RUNX2: variants seen among roughly 807,000 people sequenced by gnomAD.
RUNX2 encodes the protein RUNX family transcription factor 2.
RUNX2 carries 10 observed loss-of-function variants against 51.7 expected under a neutral mutation model. That is an observed-to-expected ratio of 0.19 (90% CI 0.12 to 0.33). The LOEUF is 0.33. Among genes scored for constraint, RUNX2 ranks in the 10% least tolerant of loss-of-function variants. The pLI, the probability that RUNX2 is intolerant of heterozygous loss-of-function variation, is 1.00. For synonymous variants in RUNX2, 276 were observed against 273.6 expected (o/e 1.01, Z -0.09); for missense variants, 562 against 691.3 (o/e 0.81, Z 2.10).
intron 2 of RUNX2, among the ~76,000 whole-genome samples, chr6:45,410,463 AG>A (rs1277743004): frequency 6.6e-6 from 1 of 152,248 alleles, no homozygotes; most frequent in East Asian, 1.9e-4. Context: ...TTTCTACCTA[AG>A]GGGATATATT....
chr6:45,419,158 T>C (rs1195613539), intron 2 of RUNX2, among the ~76,000 whole-genome samples: 1 of 152,192 alleles, frequency 6.6e-6, no homozygotes, highest in African/African-American at 2.4e-5. Context: ...TGGTCCATAT[T>C]TGAAATATTA....
chr6:45,518,782 A>T (rs1801411000), intron 7 of RUNX2, among the ~76,000 whole-genome samples: 1 of 152,192 alleles, frequency 6.6e-6, no homozygotes, highest in Non-Finnish European at 1.5e-5. Flanking sequence ...TATATATTTT[A>T]TTGAGGATTT....
Position 45,429,037 on chromosome 6 carries a change from C to A in RUNX2, c.424-2826C>A, listed in dbSNP as rs73441939. 2.2e-3 allele frequency among the ~76,000 whole-genome samples: 331 copies of A among 152,216 alleles called. 2 individuals are homozygous for A. Among genetic ancestry groups the A allele is most frequent in the African/African-American group, 7.4e-3 (307 of 41,528 alleles). ...AGATTTGGAACAGAACACTGTGTTACCCTCCTCATCTTACAAAAAGCACAT... is the reference window on the plus strand; with the variant it reads ...AGATTTGGAACAGAACACTGTGTTAACCTCCTCATCTTACAAAAAGCACAT... On this transcript the variant is annotated intron_variant, in intron 3 of 8. Transcript: ENST00000647337.
At chr6:45,375,378 G>C (rs1431092379) in intron 2 of RUNX2, among the ~76,000 whole-genome samples, 2 of 152,120 alleles carry the variant, frequency 1.3e-5, no homozygotes, top group Non-Finnish European at 2.9e-5. Context: ...GGAACAATCA[G>C]GCTTTATACT....
chr6:45,400,750 G>C, intron 2 of RUNX2, among the ~76,000 whole-genome samples: 1 of 152,108 alleles, frequency 6.6e-6, no homozygotes, highest in Middle Eastern at 3.2e-3. Context: ...TCTTCACAAA[G>C]ACTCTCTGTG....
chr6:45,405,158 G>A (rs1797805361), intron 2 of RUNX2, among the ~76,000 whole-genome samples: 1 of 152,176 alleles, frequency 6.6e-6, no homozygotes, highest in Non-Finnish European at 1.5e-5. Context: ...GCCCATAGAG[G>A]ACACTGCAAT....
At chr6:45,529,141 C>T in intron 7 of RUNX2, among the ~76,000 whole-genome samples, 1 of 152,300 alleles carries the variant, frequency 6.6e-6, no homozygotes, top group East Asian at 1.9e-4. Flanking sequence ...CAGATATGAA[C>T]ACTTTTTCTT....
chr6:45,392,425 G>C (rs1460103722), intron 2 of RUNX2, among the ~76,000 whole-genome samples: 1 of 152,088 alleles, frequency 6.6e-6, no homozygotes, highest in Non-Finnish European at 1.5e-5. Flanking sequence ...CAGGAGGAAT[G>C]CATGAGTCCA....
intron 6 of RUNX2, among the ~76,000 whole-genome samples, chr6:45,501,776 A>C (rs1001532121): frequency 6.6e-6 from 1 of 152,126 alleles, no homozygotes; most frequent in African/African-American, 2.4e-5. Flanking sequence ...TCTGATAGTC[A>C]CTGTGGGATG....
At chr6:45,360,600 T>C (rs988807686) in intron 2 of RUNX2, among the ~76,000 whole-genome samples, 3 of 152,118 alleles carry the variant, frequency 2.0e-5, no homozygotes, top group Admixed American at 6.5e-5. Context: ...TTCATAATAC[T>C]TAAAAAATAG....
At chr6:45,491,629 T>TG (rs1563109655) in intron 5 of RUNX2, among the ~76,000 whole-genome samples, 1 of 148,118 alleles carries the variant, frequency 6.8e-6, no homozygotes, top group Non-Finnish European at 1.5e-5. Flanking sequence ...TTTGTTTTTT[T>TG]TTTTTTTTTT....
intron 5 of RUNX2, among the ~76,000 whole-genome samples, chr6:45,438,616 T>C (rs925909106): frequency 6.6e-6 from 1 of 152,228 alleles, no homozygotes; most frequent in African/African-American, 2.4e-5. Context: ...TTTTAACAGA[T>C]AGAGTCAAAC....
intron 7 of RUNX2, among the ~76,000 whole-genome samples, chr6:45,543,867 A>T (rs1034699197): frequency 6.6e-6 from 1 of 151,860 alleles, no homozygotes; most frequent in African/African-American, 2.4e-5. Context: ...ATTATTATTT[A>T]AAAATTTGAA....
rs192708393 is a variant in RUNX2, at chr6:45,480,607, A to G, written c.686-11334A>G. On this transcript the variant is annotated intron_variant, in intron 5 of 8. Coordinates refer to ENST00000647337, the MANE Select transcript of RUNX2 (RefSeq NM_001024630.4). Reference sequence around the variant, plus strand: ...CGTTCACTGGTTAGAAGACACTGACATGTGCCTATGCACTGTATTAATGTC... The same window carrying G: ...CGTTCACTGGTTAGAAGACACTGACGTGTGCCTATGCACTGTATTAATGTC... Among the ~76,000 whole-genome samples, 35 of 152,356 alleles carry G rather than the reference A, an allele frequency of 2.3e-4. No individual in the cohort carries two copies. In the East Asian group the frequency reaches 3.9e-3, roughly 17 times the overall value.
At chr6:45,397,324 T>C (rs2150349898) in intron 2 of RUNX2, among the ~76,000 whole-genome samples, 1 of 152,078 alleles carries the variant, frequency 6.6e-6, no homozygotes, top group East Asian at 1.9e-4. Context: ...TTAGCCAGGA[T>C]GGTCTCGATC....
rs1407289202 is a variant in RUNX2 at position 45,550,959 on chromosome 6, A to G, written c.*3654A>G. On this transcript the variant is annotated 3_prime_UTR_variant, in exon 9 of 9. Transcript: ENST00000647337. ...GTGGATGAGTTTACTCTTAACTTCAAAGGGACTATTTGTATTGTATGTTGC... is the reference window on the plus strand; with the variant it reads ...GTGGATGAGTTTACTCTTAACTTCAGAGGGACTATTTGTATTGTATGTTGC... The G allele has an allele frequency of 6.6e-6, 1 of 152,668 alleles. No individual in the cohort carries two copies. Among genetic ancestry groups the G allele is most frequent in the African/African-American group, 2.4e-5 (1 of 41,468 alleles). The allele number at this position is 152,668 out of a possible 1,614,324, so 9.5% of individuals were successfully genotyped here.
intron 2 of RUNX2, among the ~76,000 whole-genome samples, chr6:45,420,415 G>T (rs1156742048): frequency 6.6e-6 from 1 of 152,220 alleles, no homozygotes; most frequent in Non-Finnish European, 1.5e-5. Flanking sequence ...TCGCTACGAG[G>T]GTGAGGGAGG....
chr6:45,422,488 T>TCCC, intron 2 of RUNX2, 105 bp from the exon 3 acceptor site: 4 of 324,340 alleles, frequency 1.2e-5, no homozygotes, highest in East Asian at 1.4e-4. Flanking sequence ...TCCCCCCGTC[T>TCCC]CGCCTTCACC....
chr6:45,469,487 T>G (rs1292050141), intron 5 of RUNX2, among the ~76,000 whole-genome samples: 5 of 152,252 alleles, frequency 3.3e-5, no homozygotes, highest in Non-Finnish European at 7.3e-5. Flanking sequence ...TGGTTTGGTC[T>G]GTACACATAC....
Sources: gnomAD v4.1 joint callset for allele counts (sites outside exome capture counted in the v4.1 genomes callset) on GRCh38, gnomAD v4.1.1 for gene constraint, MANE v1.5 for transcripts, NCBI Gene and HGNC (gene_info 2026-07-23, HGNC 2026-07-21) for gene names.